DPP6: variants seen among roughly 807,000 people sequenced by gnomAD.
DPP6 encodes A-type potassium channel modulatory protein DPP6.
A neutral mutation model predicts 122.6 loss-of-function variants in DPP6; 69 were observed. That is an observed-to-expected ratio of 0.56 (90% CI 0.46 to 0.69). The LOEUF is 0.69. Among genes scored for constraint, DPP6 ranks in the 30% least tolerant of loss-of-function variants. DPP6 has a pLI of 0.00. For missense variants in DPP6, 928 were observed against 1,116.9 expected, an observed-to-expected ratio of 0.83 and a Z score of 2.41; for synonymous variants, 418 against 433.1, an observed-to-expected ratio of 0.97 and a Z score of 0.43.
chr7:154,262,232 G>T (rs916429317), intron 1 of DPP6, among the ~76,000 whole-genome samples: 3 of 152,126 alleles, frequency 2.0e-5, no homozygotes, highest in Non-Finnish European at 4.4e-5. Flanking sequence ...AGTGTTGTGT[G>T]GACTCCCCAC....
Position 154,843,233 on chromosome 7 carries a change from T to C in DPP6, c.1667-10547T>C, listed in dbSNP as rs146282237. 2.9e-3 allele frequency among the ~76,000 whole-genome samples: 441 copies of C among 152,272 alleles called. 5 individuals are homozygous for C. The highest frequency in any genetic ancestry group is 0.01 in the African/African-American group (428 of 41,566). Reference sequence around the variant, plus strand: ...GGGAGGATCACTTGAGCCCGGGAAGTAGAGGTTGCAGTGAGCCCAGATAGT... The same window carrying C: ...GGGAGGATCACTTGAGCCCGGGAAGCAGAGGTTGCAGTGAGCCCAGATAGT... On this transcript the variant is annotated intron_variant, in intron 16 of 25. Coordinates refer to ENST00000377770, the MANE Select transcript of DPP6 (RefSeq NM_130797.4).
At chr7:153,797,903 G>A in the DPP6 span, among the ~76,000 whole-genome samples, 26 of 152,068 alleles carry the variant, frequency 1.7e-4, no homozygotes, top group South Asian at 1.0e-3. Context: ...GTGCGGTGGC[G>A]AGATCTTGGC....
the DPP6 span, among the ~76,000 whole-genome samples, chr7:153,823,874 C>T: frequency 1.5e-4 from 23 of 152,140 alleles, no homozygotes; most frequent in African/African-American, 4.8e-4. Context: ...GGGGGATTTT[C>T]GGAAGATGCT....
chr7:154,769,455 C>A lies in DPP6; in HGVS notation c.922C>A (p.Pro308Thr), dbSNP rs767228969. 1.2e-6 allele frequency: 2 copies of A among 1,613,772 alleles called. No individual in the cohort carries two copies. The highest frequency in any genetic ancestry group is 3.3e-5 in the Admixed American group (2 of 60,006). ...LKTHIAHWWS[P>T]DGTRLAYAAI... ...GACACACATCGCACACTGGTGGTCT[C>A]CGGATGGCACGAGACTCGCCTACGC... Residue 308 changes from proline (P) to threonine (T), a missense_variant, in exon 9 of 26, where the codon CCG becomes ACG. Coordinates refer to ENST00000377770, the MANE Select transcript of DPP6 (RefSeq NM_130797.4).
intron 5 of DPP6, among the ~76,000 whole-genome samples, chr7:154,613,089 C>T (rs1340688602): frequency 1.3e-5 from 2 of 152,134 alleles, no homozygotes; most frequent in African/African-American, 4.8e-5. Flanking sequence ...GCACTAATCT[C>T]ATTCATGAGA....
the DPP6 span, among the ~76,000 whole-genome samples, chr7:153,850,977 C>T: frequency 0.081 from 12,352 of 152,246 alleles, 684 homozygotes; most frequent in Middle Eastern, 0.13. Context: ...TACCACATTT[C>T]TTATATCCTT....
intron 1 of DPP6, among the ~76,000 whole-genome samples, chr7:153,978,255 G>T (rs533012266): frequency 1.6e-4 from 25 of 152,328 alleles, no homozygotes; most frequent in Admixed American, 1.3e-3. Context: ...TTTAACTGGT[G>T]TGAGATGGTA....
At chr7:154,020,528 A>G (rs1424984002) in intron 1 of DPP6, among the ~76,000 whole-genome samples, 1 of 152,134 alleles carries the variant, frequency 6.6e-6, no homozygotes, top group African/African-American at 2.4e-5. Flanking sequence ...GTTCTGATCC[A>G]GAGCTTTTTC....
the DPP6 span, among the ~76,000 whole-genome samples, chr7:153,809,200 A>G: frequency 1.3e-5 from 2 of 152,068 alleles, no homozygotes; most frequent in African/African-American, 2.4e-5. Context: ...TCTTCTTTGG[A>G]AGAAATGTCT....
chr7:153,883,179 C>T (rs535772391), upstream of DPP6, among the ~76,000 whole-genome samples: 35 of 152,330 alleles, frequency 2.3e-4, no homozygotes, highest in African/African-American at 8.4e-4. Context: ...ACCACCTTCA[C>T]ATCCCTGTTT....
At chr7:154,880,856 C>T in intron 20 of DPP6, 32 bp from the exon 21 acceptor site, 1 of 1,613,942 alleles carries the variant, frequency 6.2e-7, no homozygotes, top group Non-Finnish European at 8.5e-7. Context: ...AGGATGTGCA[C>T]TGAACCCTCT....
intron 1 of DPP6, among the ~76,000 whole-genome samples, chr7:154,256,141 AAGTCTGACTATAAGAGG>A: frequency 6.6e-6 from 1 of 152,350 alleles, no homozygotes; most frequent in South Asian, 2.1e-4. Context: ...GATTTGATTA[AAGTCTGACTATAAGAGG>A]AGAAACCACT....
intron 2 of DPP6, among the ~76,000 whole-genome samples, chr7:154,454,376 C>A (rs1820646765): frequency 6.6e-6 from 1 of 152,194 alleles, no homozygotes; most frequent in Non-Finnish European, 1.5e-5. Flanking sequence ...TAATACTAAT[C>A]GAGACTGGGT....
intron 6 of DPP6, among the ~76,000 whole-genome samples, chr7:154,648,076 C>A (rs550341081): frequency 1.4e-5 from 2 of 139,620 alleles, no homozygotes; most frequent in Non-Finnish European, 3.1e-5. Flanking sequence ...CATGGTGAAA[C>A]CCCGTCTCTA....
chr7:154,482,413 ACTT>A (rs1325190756), intron 3 of DPP6, among the ~76,000 whole-genome samples: 1 of 152,172 alleles, frequency 6.6e-6, no homozygotes, highest in Non-Finnish European at 1.5e-5. Context: ...TGATATATCA[ACTT>A]CTTGTATTAT....
intron 1 of DPP6, among the ~76,000 whole-genome samples, chr7:154,209,548 A>G (rs999900469): frequency 5.3e-5 from 5 of 94,684 alleles, no homozygotes; most frequent in African/African-American, 1.3e-4. Context: ...GAAGTTAAAA[A>G]AAAAAAACAA....
chr7:154,135,165 G>A (rs1475842394), intron 1 of DPP6, among the ~76,000 whole-genome samples: 1 of 151,964 alleles, frequency 6.6e-6, no homozygotes, highest in African/African-American at 2.4e-5. Context: ...CTTCCTGTGA[G>A]CACACACTTC....
chr7:154,619,580 A>G (rs940068515), intron 5 of DPP6, among the ~76,000 whole-genome samples: 2 of 152,206 alleles, frequency 1.3e-5, no homozygotes, highest in Non-Finnish European at 2.9e-5. Context: ...CAATAAGCTT[A>G]TAGCATAACA....
At chr7:154,674,583 G>A (rs1030838008) in intron 7 of DPP6, among the ~76,000 whole-genome samples, 10 of 152,178 alleles carry the variant, frequency 6.6e-5, no homozygotes, top group African/African-American at 2.4e-4. Context: ...TGGTACACTC[G>A]GAAGATCAGA....
Sources: gnomAD v4.1 joint callset for allele counts (sites outside exome capture counted in the v4.1 genomes callset) on GRCh38, gnomAD v4.1.1 for gene constraint, MANE v1.5 for transcripts, NCBI Gene and HGNC (gene_info 2026-07-23, HGNC 2026-07-21) for gene names.